The following SP140L variants were observed in gnomAD, a reference collection of about 807,000 sequenced individuals.
SP140L encodes the protein nuclear body protein SP140-like protein.
A neutral mutation model predicts 84.3 loss-of-function variants in SP140L; 64 were observed. The observed-to-expected ratio is 0.76, with a 90% CI of 0.62 to 0.94. The LOEUF (loss-of-function observed/expected upper bound fraction) is 0.94, where lower values mean the gene tolerates loss of function less well. Ranked by LOEUF, SP140L falls within the 40% of genes least tolerant of loss-of-function variation. SP140L has a pLI of 0.00. For synonymous variants in SP140L, 242 were observed against 236.9 expected (o/e 1.02, Z -0.20); for missense variants, 628 against 692.5 (o/e 0.91, Z 1.05).
intron 2 of SP140L, among the ~76,000 whole-genome samples, chr2:230,336,244 GT>G (rs1254732009): frequency 6.6e-6 from 1 of 152,200 alleles, no homozygotes; most frequent in African/African-American, 2.4e-5. Flanking sequence ...AGCCAGTCAA[GT>G]TTCTGGCCAT....
intron 7 of SP140L, among the ~76,000 whole-genome samples, chr2:230,383,136 T>TA (rs1290788020): frequency 6.6e-6 from 1 of 152,210 alleles, no homozygotes; most frequent in Non-Finnish European, 1.5e-5. Flanking sequence ...ATATTATCCA[T>TA]AACACCATCA....
Position 230,340,205 on chromosome 2 carries a change from T to C in SP140L, c.107+11374T>C, listed in dbSNP as rs2059999519. ...TTGAGTGCATATATATTTAGGATAG[T>C]TAGCTCTTCTTGTTGAATTGATCCC... On this transcript the variant is annotated intron_variant, in intron 2 of 18. Transcript: ENST00000415673. 1.3e-5 allele frequency among the ~76,000 whole-genome samples: 2 copies of C among 151,720 alleles called. 1 individual carries two copies. Among genetic ancestry groups the C allele is most frequent in the Non-Finnish European group, 2.9e-5 (2 of 67,974 alleles).
chr2:230,391,815 C>T (rs1211890121), intron 11 of SP140L: 1 of 321,284 alleles, frequency 3.1e-6, no homozygotes, highest in Non-Finnish European at 5.8e-6. Context: ...TCTGTAAGTG[C>T]TTTTGAAATG....
At chr2:230,342,839 A>G (rs1421133641) in intron 2 of SP140L, among the ~76,000 whole-genome samples, 2 of 152,164 alleles carry the variant, frequency 1.3e-5, no homozygotes, top group Admixed American at 6.5e-5. Flanking sequence ...TCAAAGAACC[A>G]AGTCTGAGTT....
chr2:230,383,995 A>G (rs192156498), intron 8 of SP140L, among the ~76,000 whole-genome samples: 8 of 152,240 alleles, frequency 5.3e-5, no homozygotes, highest in Non-Finnish European at 1.0e-4. Flanking sequence ...GTTTTTATGT[A>G]TCTATCAATC....
intron 2 of SP140L, among the ~76,000 whole-genome samples, chr2:230,345,005 T>C (rs1460045161): frequency 2.0e-5 from 3 of 152,218 alleles, no homozygotes; most frequent in Non-Finnish European, 4.4e-5. Context: ...TCTGTATATG[T>C]CTTTTAGGTC....
intron 5 of SP140L, among the ~76,000 whole-genome samples, chr2:230,368,664 T>C (rs1417251330): frequency 6.6e-6 from 1 of 152,174 alleles, no homozygotes; most frequent in East Asian, 1.9e-4. Flanking sequence ...TCTTTTTCCT[T>C]CTCTAGCTGT....
chr2:230,398,823 G>A (rs1351445568), intron 14 of SP140L, among the ~76,000 whole-genome samples: 4 of 152,238 alleles, frequency 2.6e-5, no homozygotes, highest in African/African-American at 9.6e-5. Flanking sequence ...GCCAGTGGCT[G>A]TGGAGGGTGG....
intron 2 of SP140L, among the ~76,000 whole-genome samples, chr2:230,331,184 T>A (rs2059715772): frequency 1.3e-5 from 2 of 152,196 alleles, no homozygotes; most frequent in African/African-American, 4.8e-5. Context: ...TACAGTTCAA[T>A]CTTTTGAGAG....
At chr2:230,332,256 A>G (rs2059744952) in intron 2 of SP140L, among the ~76,000 whole-genome samples, 2 of 152,332 alleles carry the variant, frequency 1.3e-5, no homozygotes, top group East Asian at 1.9e-4. Context: ...TAAAACATAC[A>G]TAGAGAGATT....
intron 5 of SP140L, 67 bp downstream of exon 5, chr2:230,361,764 G>C: frequency 6.5e-6 from 8 of 1,240,174 alleles, no homozygotes; most frequent in Non-Finnish European, 9.2e-6. Flanking sequence ...GGAGGTGAGG[G>C]CCCAAGGTCC....
chr2:230,343,509 G>A (rs1245893345), intron 2 of SP140L, among the ~76,000 whole-genome samples: 2 of 147,578 alleles, frequency 1.4e-5, no homozygotes, highest in Non-Finnish European at 3.0e-5. Flanking sequence ...TGGATTACAT[G>A]TTTTTGCTAT....
In SP140L at chr2:230,368,789, TTC is replaced by T. The variant is rs796614309; in HGVS notation, c.524-2117_524-2116del. 3.1e-4 allele frequency among the ~76,000 whole-genome samples: 47 copies of T among 152,356 alleles called. 1 individual carries two copies. Among genetic ancestry groups the T allele is most frequent in the African/African-American group, 1.1e-3 (46 of 41,590 alleles). ...TCATTGTATTTTTCAGCTCCAGAAT[TTC>T]TGTTTCTTTTTAAAAATAATTTCAA... On this transcript the variant is annotated intron_variant, in intron 5 of 18. Transcript: ENST00000415673.
At chr2:230,400,530 T>A (rs1250461135) in intron 15 of SP140L, 1 of 478,462 alleles carries the variant, frequency 2.1e-6, no homozygotes, top group Non-Finnish European at 3.8e-6. Flanking sequence ...TAGGGTCTCC[T>A]GTCCCAGGGG....
intron 7 of SP140L, among the ~76,000 whole-genome samples, chr2:230,375,449 T>C (rs2061213044): frequency 6.6e-6 from 1 of 152,192 alleles, no homozygotes; most frequent in South Asian, 2.1e-4. Flanking sequence ...TTTCTATTTT[T>C]AATTTTTGGA....
chr2:230,347,769 G>C (rs1438001990), intron 2 of SP140L, among the ~76,000 whole-genome samples: 1 of 152,204 alleles, frequency 6.6e-6, no homozygotes, highest in Non-Finnish European at 1.5e-5. Context: ...CCTGTAGCTG[G>C]CCTGGATTGC....
At chr2:230,347,306 G>A (rs1222464702) in intron 2 of SP140L, among the ~76,000 whole-genome samples, 2 of 152,164 alleles carry the variant, frequency 1.3e-5, no homozygotes, top group Non-Finnish European at 2.9e-5. Context: ...ATTAATCAGG[G>A]TTGCAGGCTG....
intron 5 of SP140L, among the ~76,000 whole-genome samples, chr2:230,367,472 T>C (rs1414384092): frequency 2.0e-5 from 3 of 151,998 alleles, no homozygotes; most frequent in Non-Finnish European, 4.4e-5. Context: ...TTAAAAATTA[T>C]TTGTAGAGAC....
chr2:230,393,805 T>C (rs1294355633), intron 13 of SP140L, among the ~76,000 whole-genome samples: 1 of 152,222 alleles, frequency 6.6e-6, no homozygotes, highest in East Asian at 1.9e-4. Flanking sequence ...TATTTCATAA[T>C]AAGGTGAGAG....
Sources: allele counts gnomAD v4.1 joint callset (sites outside exome capture counted in the v4.1 genomes callset), GRCh38; gene constraint gnomAD v4.1.1; transcripts MANE v1.5; gene names NCBI Gene and HGNC (gene_info 2026-07-23, HGNC 2026-07-21).